MTA2: variants seen among roughly 807,000 people sequenced by gnomAD.
The protein encoded by MTA2 is metastasis-associated protein MTA2.
MTA2 carries 22 observed loss-of-function variants against 87.1 expected under a neutral mutation model. The observed-to-expected ratio is 0.25, with a 90% confidence interval of 0.18 to 0.36. The LOEUF is 0.36. Among genes scored for constraint, MTA2 ranks in the 10% least tolerant of loss-of-function variants. The pLI, the probability that MTA2 is intolerant of heterozygous loss-of-function variation, is 1.00. For missense variants in MTA2, 542 were observed against 853.2 expected (o/e 0.64, Z 4.54); for synonymous variants, 314 against 310.1 (o/e 1.01, Z -0.13).
chr11:62,593,592 C>A lies in MTA2; in HGVS notation c.*283G>T, dbSNP rs1233244585. The A allele has an allele frequency of 8.6e-6, 3 of 346,930 alleles. No individual in the cohort carries two copies. The highest frequency in any genetic ancestry group is 5.9e-5 in the East Asian group (1 of 17,046). 21.5% of individuals were successfully genotyped at this position (346,930 alleles called of 1,614,324 possible). A position where few individuals can be genotyped will look rare whatever the true frequency, so the allele number is the denominator to read the frequency against. ...TTTAAAAAATTAAAAAACCCTCCCC[C>A]CAAAACTGTCCAAGACATCTGTGGG... On this transcript the variant is annotated 3_prime_UTR_variant, in exon 18 of 18. Coordinates refer to ENST00000278823, the MANE Select transcript of MTA2 (RefSeq NM_004739.4).
intron 7 of MTA2, 84 bp from the exon 8 acceptor site, chr11:62,597,499 G>A: frequency 1.3e-6 from 2 of 1,517,448 alleles, no homozygotes; most frequent in Middle Eastern, 1.7e-4. Context: ...GGAGAAAGAA[G>A]GAAAACATCC....
At position 62,597,602 on chromosome 11, in the gene MTA2, C is replaced by A. The variant is rs1346641535; in HGVS notation, c.593+8G>T. The A allele has an allele frequency of 6.2e-7, 1 of 1,613,530 alleles. No homozygotes were observed. The highest frequency in any genetic ancestry group is 2.2e-5 in the East Asian group (1 of 44,880). On this transcript the variant is annotated splice_region_variant and intron_variant, in intron 7 of 17. Coordinates refer to ENST00000278823, the MANE Select transcript of MTA2 (RefSeq NM_004739.4). ...CCAGCCCATCTTCCCTATCCACCCA[C>A]CCCTCACCGGGCCACCACAAGAAAC...
At chr11:62,597,580 G>T in intron 7 of MTA2, 30 bp downstream of exon 7, 1 of 1,596,244 alleles carries the variant, frequency 6.3e-7, no homozygotes, top group Non-Finnish European at 8.6e-7. Flanking sequence ...ACCTCCCCCA[G>T]CCCATCTTCC....
In MTA2 at chr11:62,595,697, C is replaced by A; in HGVS notation, c.1254+55G>T. 1 of 1,602,046 alleles carries A rather than the reference C, an allele frequency of 6.2e-7. No individual in the cohort carries two copies. Among genetic ancestry groups the A allele is most frequent in the Non-Finnish European group, 8.5e-7 (1 of 1,173,004 alleles). On this transcript the variant is annotated intron_variant, in intron 13 of 17. Coordinates refer to ENST00000278823, the MANE Select transcript of MTA2 (RefSeq NM_004739.4). The surrounding 1 kb of genome is among the most constrained non-coding windows in gnomAD (Gnocchi z 4.9). ...TTGAATATTCTGGCCTTCACCTAAG[C>A]TCACCATCAATATGCTTACTGCTCT...
chr11:62,600,712 G>A (rs1395893869), intron 1 of MTA2, 23 bp from the exon 2 acceptor site: 3 of 1,605,032 alleles, frequency 1.9e-6, no homozygotes, highest in Non-Finnish European at 2.6e-6. Flanking sequence ...GGAGGGGGGA[G>A]AACCACGAAG....
rs200439237 is a variant in MTA2 at position 62,595,238 on chromosome 11, C to A, written c.1483+26G>T. The stretch of plus-strand genomic sequence containing the variant: ...GGGCAGAGCAATCCGAAACCCACCA[C>A]CAGTCCCACCACTCCCTGCCCTTAC... On this transcript the variant is annotated intron_variant, in intron 14 of 17. Coordinates refer to ENST00000278823, the MANE Select transcript of MTA2 (RefSeq NM_004739.4). The surrounding 1 kb of genome is among the most constrained non-coding windows in gnomAD (Gnocchi z 4.9). 2 of 1,606,904 alleles carry A rather than the reference C, an allele frequency of 1.2e-6. No individual in the cohort carries two copies. The highest frequency in any genetic ancestry group is 1.7e-6 in the Non-Finnish European group (2 of 1,173,730).
intron 2 of MTA2, 24 bp from the exon 3 acceptor site, chr11:62,600,283 A>G (rs1366022072): frequency 6.3e-7 from 1 of 1,597,596 alleles, no homozygotes; most frequent in Non-Finnish European, 8.6e-7. Context: ...AAAAACAAAA[A>G]CAAAACAACG....
Position 62,595,293 on chromosome 11 carries a change from G to A in MTA2, c.1454C>T (p.Pro485Leu), listed in dbSNP as rs372687305. 5.0e-6 allele frequency: 8 copies of A among 1,614,080 alleles called. No individual in the cohort carries two copies. The highest frequency in any genetic ancestry group is 1.1e-5 in the South Asian group (1 of 91,086). The part of the protein sequence containing the change: ...PRRAARRPYA[P>L]INANAIKAEC... Reference sequence around the variant, plus strand: ...TGCTTTGATGGCATTGGCATTGATAGGAGCATAAGGCCGTCGGGCGGCCCT... The same window carrying A: ...TGCTTTGATGGCATTGGCATTGATAAGAGCATAAGGCCGTCGGGCGGCCCT... The change falls in exon 14 of 18, where the codon CCT (proline) becomes CTT (leucine). Residue 485 changes from proline to leucine, a missense_variant. By Grantham distance (98) the Pro-to-Leu change is moderately conservative (BLOSUM62 -3). Coordinates refer to ENST00000278823, the MANE Select transcript of MTA2 (RefSeq NM_004739.4). This position sits in a 1 kb window ranked among gnomAD's most constrained non-coding sequence, Gnocchi z 4.9.
Position 62,596,538 on chromosome 11 carries a change from G to C in MTA2, c.883-6C>G, listed in dbSNP as rs201332108. On this transcript the variant is annotated splice_region_variant and splice_polypyrimidine_tract_variant and intron_variant, in intron 9 of 17. Coordinates refer to ENST00000278823, the MANE Select transcript of MTA2 (RefSeq NM_004739.4). ...GCAAGTGACTTCCAGGGTAGCTAAG[G>C]GGGGCAGAGGGAGGAAGAATGAGCT... The C allele has an allele frequency of 2.5e-6, 4 of 1,614,054 alleles. No individual in the cohort carries two copies. Among genetic ancestry groups the C allele is most frequent in the Non-Finnish European group, 3.4e-6 (4 of 1,179,948 alleles).
At position 62,595,047 on chromosome 11, in the gene MTA2, C is replaced by A. The variant is rs779567819; in HGVS notation, c.1507G>T (p.Ala503Ser). The A allele has an allele frequency of 3.1e-6, 5 of 1,614,074 alleles. No individual in the cohort carries two copies. Among genetic ancestry groups the A allele is most frequent in the Non-Finnish European group, 4.2e-6 (5 of 1,180,016 alleles). ...GGGTGAATCTTCAATGGAGTCTTGG[C>A]GGCCTTAGGAAGTCGAATGGAGCCT... ...AECSIRLPKAAKTPLKIHPLV... is the reference protein window; with the variant it reads ...AECSIRLPKASKTPLKIHPLV... The change falls in exon 15 of 18, where the codon GCC (alanine) becomes TCC (serine). Residue 503 changes from alanine (A) to serine (S), a missense_variant. Coordinates refer to ENST00000278823, the MANE Select transcript of MTA2 (RefSeq NM_004739.4). This position sits in a 1 kb window ranked among gnomAD's most constrained non-coding sequence, Gnocchi z 4.9.
Position 62,597,285 on chromosome 11 carries a change from C to T in MTA2, c.693+31G>A, listed in dbSNP as rs370974109. The stretch of plus-strand genomic sequence containing the variant: ...CTCTGCAAGTCCCCAGAAAACCCAG[C>T]CTGCCCAACTACCCACCAACTTCTG... On this transcript the variant is annotated intron_variant, in intron 8 of 17. Coordinates refer to ENST00000278823, the MANE Select transcript of MTA2 (RefSeq NM_004739.4). 5.2e-6 allele frequency: 8 copies of T among 1,534,310 alleles called. No homozygotes were observed. In the African/African-American group the frequency reaches 8.3e-5, roughly 16 times the overall value.
In MTA2 at chr11:62,595,522, G is replaced by A. The variant is rs779053767; in HGVS notation, c.1255-30C>T. On this transcript the variant is annotated intron_variant, in intron 13 of 17. Coordinates refer to ENST00000278823, the MANE Select transcript of MTA2 (RefSeq NM_004739.4). This position sits in a 1 kb window ranked among gnomAD's most constrained non-coding sequence, Gnocchi z 4.9. ...AAGAAGAGCATAGGAAAGAGAGAGAGCAGAAATCAGCACTGAGGCTCCCTT... is the reference window on the plus strand; with the variant it reads ...AAGAAGAGCATAGGAAAGAGAGAGAACAGAAATCAGCACTGAGGCTCCCTT... 2.5e-6 allele frequency: 4 copies of A among 1,608,482 alleles called. No individual in the cohort carries two copies. The highest frequency in any genetic ancestry group is 1.1e-5 in the South Asian group (1 of 90,968).
At position 62,598,029 on chromosome 11, in the gene MTA2, A is replaced by G; in HGVS notation, c.485T>C (p.Val162Ala). 6.2e-7 allele frequency: 1 copy of G among 1,613,470 alleles called. No individual in the cohort carries two copies. Among genetic ancestry groups the G allele is most frequent in the Non-Finnish European group, 8.5e-7 (1 of 1,179,558 alleles). The change falls in exon 6 of 18, where the codon GTA becomes GCA. Residue 162 changes from valine to alanine, a missense_variant. This residue lies in a region of MTA2 where 150 missense variants were observed against 243.9 expected (regional missense o/e 0.62). Transcript: ENST00000278823. ...AGTCTTGTCCTGTTGCTTACCCTCT[A>G]CTAGGCGATCTGGGATCTCAGCTTG... Reference protein sequence around the residue: ...KYQAEIPDRLVEGESDNRNQQ... With the variant: ...KYQAEIPDRLAEGESDNRNQQ...
rs1942080323 is a variant in MTA2 at position 62,595,171 on chromosome 11, T to C, written c.1483+93A>G. On this transcript the variant is annotated intron_variant, in intron 14 of 17. Transcript: ENST00000278823. The surrounding 1 kb of genome is among the most constrained non-coding windows in gnomAD (Gnocchi z 4.9). ...CTTAAAAAAATTATCTGTGGCCTACTATCCCTCCTGTTATTAGACATCCAG... is the reference window on the plus strand; with the variant it reads ...CTTAAAAAAATTATCTGTGGCCTACCATCCCTCCTGTTATTAGACATCCAG... 2.6e-6 allele frequency: 4 copies of C among 1,539,566 alleles called. No homozygotes were observed. The South Asian group carries it at 4.5e-5, about 17-fold the overall frequency.
intron 1 of MTA2, 96 bp from the exon 2 acceptor site, chr11:62,600,785 A>G: frequency 9.6e-7 from 1 of 1,041,542 alleles, no homozygotes; most frequent in Non-Finnish European, 1.4e-6. Flanking sequence ...GAGTGGATCA[A>G]AAGGAGATAA....
chr11:62,595,663 T>C lies in MTA2; in HGVS notation c.1254+89A>G. Reference sequence around the variant, plus strand: ...CACCCCGTCCATCAAACCATCACCATATAAAGAGTTGAATATTCTGGCCTT... The same window carrying C: ...CACCCCGTCCATCAAACCATCACCACATAAAGAGTTGAATATTCTGGCCTT... On this transcript the variant is annotated intron_variant, in intron 13 of 17. Transcript: ENST00000278823. The surrounding 1 kb of genome is among the most constrained non-coding windows in gnomAD (Gnocchi z 4.9). The C allele has an allele frequency of 6.4e-7, 1 of 1,568,562 alleles. No homozygotes were observed. The highest frequency in any genetic ancestry group is 1.7e-5 in the Admixed American group (1 of 57,240).
intron 2 of MTA2, 59 bp from the exon 3 acceptor site, chr11:62,600,318 G>C (rs759936699): frequency 4.0e-5 from 58 of 1,438,424 alleles, no homozygotes; most frequent in Non-Finnish European, 5.6e-5. Context: ...GATCATCTGG[G>C]AACAGAAATG....
Position 62,594,253 on chromosome 11 carries a change from C to A in MTA2, c.1841+6G>T, listed in dbSNP as rs776370636. The A allele has an allele frequency of 6.2e-7, 1 of 1,614,040 alleles. No individual in the cohort carries two copies. Among genetic ancestry groups the A allele is most frequent in the African/African-American group, 1.3e-5 (1 of 74,916 alleles). On this transcript the variant is annotated splice_donor_region_variant and intron_variant, in intron 17 of 17. Transcript: ENST00000278823. ...CTCTCAGCCCCTCCCATGGTAGACG[C>A]CTTACCTGGTATCCTTTGTGGCCAC... is the stretch of plus-strand genomic sequence containing the variant.
chr11:62,598,652 A>G lies in MTA2; in HGVS notation c.191-13T>C, dbSNP rs2134326081. 6.2e-7 allele frequency: 1 copy of G among 1,611,514 alleles called. No individual in the cohort carries two copies. The highest frequency in any genetic ancestry group is 2.2e-5 in the East Asian group (1 of 44,866). Reference sequence around the variant, plus strand: ...TCTTCAAACTCCCCTGGGAGATTAAAGAGGAAGAAACCAAGTCAGAAATGG... The same window carrying G: ...TCTTCAAACTCCCCTGGGAGATTAAGGAGGAAGAAACCAAGTCAGAAATGG... On this transcript the variant is annotated splice_polypyrimidine_tract_variant and intron_variant, in intron 3 of 17. Transcript: ENST00000278823.
Sources: gnomAD v4.1 joint callset for allele counts on GRCh38, gnomAD v4.1.1 for gene constraint, gnomAD v4.1.1 regional missense constraint, Gnocchi (gnomAD v3.1) non-coding constraint, MANE v1.5 for transcripts, NCBI Gene and HGNC (gene_info 2026-07-23, HGNC 2026-07-21) for gene names.